SEMA5A: variants seen among roughly 807,000 people sequenced by gnomAD.
The protein encoded by SEMA5A is semaphorin 5A.
In SEMA5A, 55 loss-of-function variants were observed where a neutral mutation model predicts 135.5. The ratio of observed to expected loss-of-function variants is 0.41; its 90% confidence interval spans 0.33 to 0.51. The LOEUF is 0.51. Ranked by LOEUF, SEMA5A falls within the 20% of genes least tolerant of loss-of-function variation. The probability of loss-of-function intolerance (pLI) is 0.37; values close to 1 mark genes in which losing one functional copy is unlikely to be tolerated. For synonymous variants in SEMA5A, 580 were observed against 546.5 expected (o/e 1.06, Z -0.85); for missense variants, 1,290 against 1,419.9 (o/e 0.91, Z 1.47).
rs761835909 is a variant in SEMA5A, at chr5:9,119,055, C to T, written c.1868G>A (p.Ser623Asn). The T allele has an allele frequency of 6.2e-7, 1 of 1,613,660 alleles. No homozygotes were observed. Among genetic ancestry groups the T allele is most frequent in the Non-Finnish European group, 8.5e-7 (1 of 1,179,932 alleles). The change falls in exon 15 of 23, where the codon AGC becomes AAC. Residue 623 changes from serine to asparagine, a missense_variant. Physicochemically the swap from Ser to Asn is conservative, Grantham distance 46 (BLOSUM62 1). Around this residue, in one of 3 missense-constraint regions of SEMA5A, gnomAD observed 1,029 missense variants for 1,086.6 expected, o/e 0.95. Transcript: ENST00000382496. ...GCCCCCGTGCCTGGGAGTGGGGTTG[C>T]TGCAGGAGCGCTGCCGCACCTGGAA... ...IGFQVRQRSC[S>N]NPTPRHGGRV...
intron 3 of SEMA5A, among the ~76,000 whole-genome samples, chr5:9,359,797 G>A (rs1754612225): frequency 6.6e-6 from 1 of 152,066 alleles, no homozygotes; most frequent in African/African-American, 2.4e-5. Flanking sequence ...AAAAAACTAT[G>A]AAAAAAATTA....
intron 15 of SEMA5A, among the ~76,000 whole-genome samples, chr5:9,108,768 A>G (rs951096972): frequency 1.3e-5 from 2 of 152,202 alleles, no homozygotes; most frequent in Admixed American, 1.3e-4. Context: ...AAGTTAGAGC[A>G]TGGGATTAGC....
At chr5:9,212,656 A>G (rs1368707693) in intron 8 of SEMA5A, among the ~76,000 whole-genome samples, 1 of 152,240 alleles carries the variant, frequency 6.6e-6, no homozygotes, top group African/African-American at 2.4e-5. Context: ...ATTCTGATAT[A>G]TAATTAATAG....
rs1452682756 is a variant in SEMA5A at position 9,039,150 on chromosome 5, G to A, written c.*3747C>T. The A allele has an allele frequency of 6.6e-6, 1 of 152,274 alleles. No homozygotes were observed. The highest frequency in any genetic ancestry group is 1.5e-5 in the Non-Finnish European group (1 of 68,120). The allele number at this position is 152,274 out of a possible 1,614,324, so 9.4% of individuals were successfully genotyped here. A position where few individuals can be genotyped will look rare whatever the true frequency, so the allele number is the denominator to read the frequency against. On this transcript the variant is annotated 3_prime_UTR_variant, in exon 23 of 23. Transcript: ENST00000382496. ...CTTTTGCAGATAAATAAGGAAGTAA[G>A]TACACCTTTGGCTAAAACTCTGGCA...
intron 16 of SEMA5A, among the ~76,000 whole-genome samples, chr5:9,084,445 C>T (rs942377149): frequency 3.9e-5 from 6 of 152,160 alleles, no homozygotes; most frequent in Non-Finnish European, 7.4e-5. Flanking sequence ...TGGGAGGAAC[C>T]TGTTGGGAGA....
chr5:9,154,125 A>G (rs1046238148), intron 12 of SEMA5A, among the ~76,000 whole-genome samples: 5 of 126,552 alleles, frequency 4.0e-5, no homozygotes, highest in African/African-American at 1.2e-4. Context: ...GTATGTATGT[A>G]TGTGTGTGTG....
intron 18 of SEMA5A, among the ~76,000 whole-genome samples, chr5:9,060,145 C>G (rs1737105554): frequency 6.6e-6 from 1 of 152,176 alleles, no homozygotes; most frequent in Non-Finnish European, 1.5e-5. Flanking sequence ...CTGCCTAGTG[C>G]AAGGTGACAT....
At chr5:9,288,739 A>G (rs554156037) in intron 5 of SEMA5A, among the ~76,000 whole-genome samples, 1 of 152,348 alleles carries the variant, frequency 6.6e-6, no homozygotes, top group South Asian at 2.1e-4. Context: ...AATTTACCAA[A>G]AAATGGTTGC....
At chr5:9,301,537 C>A (rs1251352238) in intron 5 of SEMA5A, among the ~76,000 whole-genome samples, 1 of 152,096 alleles carries the variant, frequency 6.6e-6, no homozygotes, top group Admixed American at 6.6e-5. Context: ...GTTACAATGG[C>A]CTCTGTTGGG....
At chr5:9,295,842 T>A (rs1193150038) in intron 5 of SEMA5A, among the ~76,000 whole-genome samples, 1 of 152,212 alleles carries the variant, frequency 6.6e-6, no homozygotes, top group African/African-American at 2.4e-5. Flanking sequence ...TAGGAAAACT[T>A]AACCTCTTTA....
At chr5:9,344,740 T>A (rs1458684042) in intron 3 of SEMA5A, among the ~76,000 whole-genome samples, 1 of 152,208 alleles carries the variant, frequency 6.6e-6, no homozygotes, top group Non-Finnish European at 1.5e-5. Flanking sequence ...TACTTTTGCT[T>A]TGTAGAAAGG....
intron 3 of SEMA5A, among the ~76,000 whole-genome samples, chr5:9,374,300 G>A (rs1270308520): frequency 6.6e-6 from 1 of 152,102 alleles, no homozygotes; most frequent in East Asian, 1.9e-4. Flanking sequence ...CTTCTGCCTA[G>A]CCAGGTAAAT....
intron 10 of SEMA5A, 33 bp downstream of exon 10, chr5:9,197,135 G>T (rs1446957903): frequency 6.2e-7 from 1 of 1,613,338 alleles, no homozygotes; most frequent in South Asian, 1.1e-5. Context: ...CATGGGGGAT[G>T]CCAACAGTGC....
At chr5:9,252,252 C>T (rs1421291194) in intron 5 of SEMA5A, among the ~76,000 whole-genome samples, 2 of 152,160 alleles carry the variant, frequency 1.3e-5, no homozygotes, top group Non-Finnish European at 2.9e-5. Context: ...ACTGAGATTT[C>T]AACCCAGTTG....
chr5:9,273,636 G>C (rs548806717), intron 5 of SEMA5A, among the ~76,000 whole-genome samples: 1 of 152,248 alleles, frequency 6.6e-6, no homozygotes, highest in African/African-American at 2.4e-5. Flanking sequence ...ACTAACAGCA[G>C]ATCTCGCAGC....
chr5:9,339,034 T>C (rs1183257425), intron 3 of SEMA5A, among the ~76,000 whole-genome samples: 2 of 152,180 alleles, frequency 1.3e-5, no homozygotes, highest in African/African-American at 4.8e-5. Flanking sequence ...GGACTTGTAA[T>C]GTATATGATA....
intron 10 of SEMA5A, 113 bp downstream of exon 10, chr5:9,197,047 CCAGGGAGA>C: frequency 7.3e-7 from 1 of 1,372,596 alleles, no homozygotes; most frequent in South Asian, 1.3e-5. Flanking sequence ...CCATGAGGGG[CCAGGGAGA>C]CAGCTGCATG....
At chr5:9,487,318 A>G (rs268520) in intron 1 of SEMA5A, among the ~76,000 whole-genome samples, 147,923 of 152,250 alleles carry the variant, frequency 0.97, 72,092 homozygotes, top group Non-Finnish European at 1. Flanking sequence ...AACCCTAAAA[A>G]GCATTTACTA....
At chr5:9,243,315 A>G (rs1748307649) in intron 5 of SEMA5A, among the ~76,000 whole-genome samples, 1 of 152,122 alleles carries the variant, frequency 6.6e-6, no homozygotes. Flanking sequence ...CACTCATCGC[A>G]TGGTGTTCTC....
Sources: gnomAD v4.1 joint callset for allele counts (sites outside exome capture counted in the v4.1 genomes callset) on GRCh38, gnomAD v4.1.1 for gene constraint, gnomAD v4.1.1 regional missense constraint, MANE v1.5 for transcripts, NCBI Gene and HGNC (gene_info 2026-07-23, HGNC 2026-07-21) for gene names.